Variants in ANKRD33B observed in about 807,000 individuals in gnomAD.
ANKRD33B encodes the protein ankyrin repeat domain 33B.
A neutral mutation model predicts 21.5 loss-of-function variants in ANKRD33B; 6 were observed. That is an observed-to-expected ratio of 0.28 (90% CI 0.15 to 0.55). ANKRD33B has a LOEUF of 0.55. Ranked by LOEUF, ANKRD33B falls within the 20% of genes least tolerant of loss-of-function variation. The pLI is 0.94. For synonymous variants in ANKRD33B, 347 were observed against 342.4 expected (o/e 1.01, Z -0.15); for missense variants, 698 against 747.2 (o/e 0.93, Z 0.77).
chr5:10,605,505 T>A (rs758704234), intron 1 of ANKRD33B, among the ~76,000 whole-genome samples: 1 of 151,898 alleles, frequency 6.6e-6, no homozygotes, highest in African/African-American at 2.4e-5. Context: ...CTCTTTCTCA[T>A]TGAGTTTCTT....
intron 1 of ANKRD33B, 76 bp from the exon 2 acceptor site, chr5:10,618,257 C>G: frequency 6.6e-7 from 1 of 1,523,754 alleles, no homozygotes; most frequent in Non-Finnish European, 8.8e-7. Context: ...GTAGTGGGTG[C>G]CCCTCGGGGT....
chr5:10,615,268 A>G (rs990281062), intron 1 of ANKRD33B, among the ~76,000 whole-genome samples: 1 of 152,192 alleles, frequency 6.6e-6, no homozygotes, highest in Non-Finnish European at 1.5e-5. Flanking sequence ...GCATATTCCA[A>G]GCTGGAATAT....
chr5:10,654,223 T>C lies in ANKRD33B; in HGVS notation c.*4110T>C, dbSNP rs1737428019. ...CAGTGACTGTGCTGATGGCTTAGAA[T>C]TCCTACACGGCTGTGCCTCTCCCAC... On this transcript the variant is annotated 3_prime_UTR_variant, in exon 4 of 4. Coordinates refer to ENST00000296657, the MANE Select transcript of ANKRD33B (RefSeq NM_001164440.2). The C allele has an allele frequency of 6.6e-6, 1 of 152,554 alleles. No individual in the cohort carries two copies. The highest frequency in any genetic ancestry group is 3.4e-3 in the Middle Eastern group (1 of 296). The allele number at this position is 152,554 out of a possible 1,614,324, so 9.5% of individuals were successfully genotyped here.
intron 1 of ANKRD33B, among the ~76,000 whole-genome samples, chr5:10,591,542 CA>C (rs60096289): frequency 0.56 from 85,438 of 151,744 alleles, 24,561 homozygotes; most frequent in East Asian, 0.7. Context: ...GATAAAGATC[CA>C]ACCTTATTTT....
chr5:10,610,456 G>A (rs982172209), intron 1 of ANKRD33B, among the ~76,000 whole-genome samples: 1 of 150,970 alleles, frequency 6.6e-6, no homozygotes, highest in Non-Finnish European at 1.5e-5. Flanking sequence ...TGCCCTGGTC[G>A]AAAAACTGAC....
intron 1 of ANKRD33B, among the ~76,000 whole-genome samples, chr5:10,584,148 G>A (rs147251837): frequency 1.3e-5 from 2 of 152,288 alleles, no homozygotes; most frequent in Non-Finnish European, 2.9e-5. Flanking sequence ...CACATGACAC[G>A]TGTTTTACCA....
At chr5:10,631,903 G>A (rs948767685) in intron 2 of ANKRD33B, among the ~76,000 whole-genome samples, 2 of 152,216 alleles carry the variant, frequency 1.3e-5, no homozygotes, top group Non-Finnish European at 2.9e-5. Context: ...ATGCTGGTCG[G>A]TTGTTTCATC....
chr5:10,641,022 G>A (rs1288575739), intron 3 of ANKRD33B, among the ~76,000 whole-genome samples: 7 of 152,138 alleles, frequency 4.6e-5, no homozygotes, highest in Non-Finnish European at 8.8e-5. Flanking sequence ...CAGTGGGTCT[G>A]AAGTTCCAGC....
chr5:10,649,051 T>C (rs1737254102), intron 3 of ANKRD33B, among the ~76,000 whole-genome samples: 1 of 152,110 alleles, frequency 6.6e-6, no homozygotes. Context: ...AAGTCGAGGC[T>C]ACAGTAGGAC....
chr5:10,586,735 C>A (rs1288641535), intron 1 of ANKRD33B, among the ~76,000 whole-genome samples: 2 of 152,090 alleles, frequency 1.3e-5, no homozygotes, highest in East Asian at 1.9e-4. Context: ...CAAACATGGC[C>A]TTTTCCAATA....
intron 1 of ANKRD33B, among the ~76,000 whole-genome samples, chr5:10,585,832 T>C (rs558934299): frequency 2.0e-5 from 3 of 152,236 alleles, no homozygotes; most frequent in Non-Finnish European, 4.4e-5. Flanking sequence ...GTCCAGGGTC[T>C]GACAGATGGG....
chr5:10,619,319 CG>C lies in ANKRD33B; in HGVS notation c.496+860del. On this transcript the variant is annotated intron_variant, in intron 2 of 3. Transcript: ENST00000296657. This position sits in a 1 kb window ranked among gnomAD's most constrained non-coding sequence, Gnocchi z 4.5. The stretch of plus-strand genomic sequence containing the variant: ...AAGGAGGGGAAGCTTACACGGTTGT[CG>C]GGTTGTTGAGAATCCCACTCAGGGC... 1.0e-6 allele frequency: 1 copy of C among 985,408 alleles called. No homozygotes were observed. Among genetic ancestry groups the C allele is most frequent in the Non-Finnish European group, 1.2e-6 (1 of 829,918 alleles). The allele number at this position is 985,408 out of a possible 1,614,324, so 61.0% of individuals were successfully genotyped here.
intron 1 of ANKRD33B, among the ~76,000 whole-genome samples, chr5:10,568,528 C>G (rs754855839): frequency 3.3e-5 from 5 of 152,210 alleles, no homozygotes; most frequent in Non-Finnish European, 7.3e-5. Context: ...TGGGATTCTG[C>G]TTCTGCGTGT....
At chr5:10,573,453 GCGAGACTC>G (rs1445103181) in intron 1 of ANKRD33B, among the ~76,000 whole-genome samples, 1 of 143,372 alleles carries the variant, frequency 7.0e-6, no homozygotes, top group Non-Finnish European at 1.5e-5. Flanking sequence ...GGGCAACAGA[GCGAGACTC>G]CGTCTCAAAA....
In ANKRD33B at chr5:10,619,822, T is replaced by C. The variant is rs938969109; in HGVS notation, c.496+1360T>C. The stretch of plus-strand genomic sequence containing the variant: ...GCAGGGCAGCCCCGTCCTTGAGTAA[T>C]TCTGCAGCTCATGGGACAGAGAAAC... On this transcript the variant is annotated intron_variant, in intron 2 of 3. Coordinates refer to ENST00000296657, the MANE Select transcript of ANKRD33B (RefSeq NM_001164440.2). The surrounding 1 kb of genome is among the most constrained non-coding windows in gnomAD (Gnocchi z 4.5). 2.0e-5 allele frequency among the ~76,000 whole-genome samples: 3 copies of C among 152,172 alleles called. No individual in the cohort carries two copies. The highest frequency in any genetic ancestry group is 4.8e-5 in the African/African-American group (2 of 41,444).
chr5:10,565,739 A>G (rs1197979492), intron 1 of ANKRD33B, among the ~76,000 whole-genome samples: 5 of 152,282 alleles, frequency 3.3e-5, no homozygotes, highest in African/African-American at 1.2e-4. Flanking sequence ...GGAAAACTGC[A>G]GAGTGACCAC....
At position 10,638,112 on chromosome 5, in the gene ANKRD33B, T is replaced by A; in HGVS notation, c.581T>A (p.Leu194Gln). 2.0e-6 allele frequency: 3 copies of A among 1,537,528 alleles called. No homozygotes were observed. Among genetic ancestry groups the A allele is most frequent in the South Asian group, 1.2e-5 (1 of 84,064 alleles). ...ERRNAFGFTALMKAAMQGRTD... is the reference protein window; with the variant it reads ...ERRNAFGFTAQMKAAMQGRTD... ...AGGAACGCGTTCGGGTTCACCGCCC[T>A]GATGAAAGCCGCCATGCAGGGTCGA... Residue 194 changes from leucine to glutamine, a missense_variant, in exon 3 of 4, where the codon CTG becomes CAG. This residue lies in a region of ANKRD33B where 543 missense variants were observed against 566.5 expected (regional missense o/e 0.96). Transcript: ENST00000296657.
At chr5:10,603,454 G>A (rs1254605656) in intron 1 of ANKRD33B, among the ~76,000 whole-genome samples, 1 of 151,854 alleles carries the variant, frequency 6.6e-6, no homozygotes, top group Admixed American at 6.6e-5. Flanking sequence ...GTAGAGACGG[G>A]GTTTTGCCAT....
rs1737507384 is a variant in ANKRD33B, at chr5:10,657,090, G to A, written c.*6977G>A. 6.6e-6 allele frequency: 1 copy of A among 152,294 alleles called. No individual in the cohort carries two copies. The highest frequency in any genetic ancestry group is 1.5e-5 in the Non-Finnish European group (1 of 68,042). The allele number at this position is 152,294 out of a possible 1,614,324, so 9.4% of individuals were successfully genotyped here. ...GAGGCACCTTAACACCAGTTTTTGA[G>A]CAGAAGTTCTAGAAGCTGATTTAGA... On this transcript the variant is annotated 3_prime_UTR_variant, in exon 4 of 4. Transcript: ENST00000296657.
Sources: gnomAD v4.1 joint callset for allele counts (sites outside exome capture counted in the v4.1 genomes callset) on GRCh38, gnomAD v4.1.1 for gene constraint, gnomAD v4.1.1 regional missense constraint, Gnocchi (gnomAD v3.1) non-coding constraint, MANE v1.5 for transcripts, NCBI Gene and HGNC (gene_info 2026-07-23, HGNC 2026-07-21) for gene names.